The following CSMD1 variants were observed in gnomAD, a reference collection of about 807,000 sequenced individuals.
The protein encoded by CSMD1 is CUB and sushi domain-containing protein 1.
Under a neutral mutation model 417.5 loss-of-function variants are expected in CSMD1, and 213 were observed. The observed-to-expected ratio is 0.51, with a 90% CI of 0.46 to 0.57. The LOEUF is 0.57. Among genes scored for constraint, CSMD1 ranks in the 20% least tolerant of loss-of-function variants. The pLI is 0.00. For synonymous variants in CSMD1, 2,862 were observed against 1,736.8 expected (o/e 1.65, Z -16.11); for missense variants, 6,923 against 4,529.7 (o/e 1.53, Z -15.17).
chr8:4,654,221 G>A (rs1453517761), intron 1 of CSMD1, among the ~76,000 whole-genome samples: 3 of 152,000 alleles, frequency 2.0e-5, no homozygotes, highest in African/African-American at 7.3e-5. Context: ...ATCTCAATAT[G>A]TCTAAAATAT....
intron 2 of CSMD1, among the ~76,000 whole-genome samples, chr8:4,613,691 C>T (rs1015654973): frequency 2.6e-5 from 4 of 151,996 alleles, no homozygotes; most frequent in Non-Finnish European, 5.9e-5. Context: ...CATCAAATGG[C>T]AGTAGTAAAT....
intron 5 of CSMD1, among the ~76,000 whole-genome samples, chr8:3,978,329 C>G (rs1396087376): frequency 6.6e-6 from 1 of 152,176 alleles, no homozygotes; most frequent in Non-Finnish European, 1.5e-5. Context: ...ACATGGCTCT[C>G]TTTTTTCCTT....
chr8:4,164,644 C>T (rs560441884), intron 3 of CSMD1, among the ~76,000 whole-genome samples: 2 of 152,170 alleles, frequency 1.3e-5, no homozygotes, highest in South Asian at 4.1e-4. Flanking sequence ...GATTGAGTCC[C>T]TCACACAAGA....
chr8:3,079,834 T>C (rs982839330), intron 49 of CSMD1, among the ~76,000 whole-genome samples: 3 of 152,150 alleles, frequency 2.0e-5, no homozygotes, highest in African/African-American at 7.2e-5. Flanking sequence ...TAACATCATC[T>C]GTGAGCAACA....
At chr8:3,156,571 G>A (rs763816555) in intron 39 of CSMD1, among the ~76,000 whole-genome samples, 85 of 152,162 alleles carry the variant, frequency 5.6e-4, no homozygotes, top group Non-Finnish European at 1.1e-3. Flanking sequence ...GCAGGTGGGA[G>A]CTCAGAGAGC....
intron 5 of CSMD1, chr8:3,950,003 T>G (rs564242399): frequency 2.2e-6 from 1 of 455,700 alleles, no homozygotes; most frequent in African/African-American, 2.0e-5. Flanking sequence ...CCCACTACAT[T>G]TGCCAGGGTC....
In CSMD1 at chr8:4,850,587, T is replaced by C. The variant is rs186928188; in HGVS notation, c.85+143745A>G. ...CAGGACTTCAGCGAAGTAGAAATCC[T>C]TCATCCTCTCTTCCTCATCACTTAG... On this transcript the variant is annotated intron_variant, in intron 1 of 69. Transcript: ENST00000635120. Among the ~76,000 whole-genome samples the C allele has an allele frequency of 3.6e-3, 547 of 152,182 alleles. 1 individual carries two copies. Among genetic ancestry groups the C allele is most frequent in the Admixed American group, 7.5e-3 (114 of 15,274 alleles).
chr8:4,631,466 G>A (rs945464420), intron 2 of CSMD1, among the ~76,000 whole-genome samples: 1 of 151,272 alleles, frequency 6.6e-6, no homozygotes, highest in Non-Finnish European at 1.5e-5. Flanking sequence ...AGCAACTATG[G>A]AGACAGAAAA....
intron 3 of CSMD1, among the ~76,000 whole-genome samples, chr8:4,280,518 A>C (rs997894902): frequency 6.6e-6 from 1 of 152,206 alleles, no homozygotes; most frequent in African/African-American, 2.4e-5. Flanking sequence ...ATATACAAGC[A>C]AATTGTTTAC....
chr8:4,245,703 A>T (rs78360978), intron 3 of CSMD1, among the ~76,000 whole-genome samples: 1 of 152,142 alleles, frequency 6.6e-6, no homozygotes, highest in Non-Finnish European at 1.5e-5. Flanking sequence ...ATGTGAGGTA[A>T]TTTTTTCAAG....
intron 10 of CSMD1, among the ~76,000 whole-genome samples, chr8:3,535,769 C>G (rs1798169522): frequency 6.6e-6 from 1 of 152,168 alleles, no homozygotes; most frequent in Admixed American, 6.5e-5. Context: ...GCAGTTCACA[C>G]CTTCCCACAT....
At chr8:3,963,828 T>A (rs959679758) in intron 5 of CSMD1, among the ~76,000 whole-genome samples, 2 of 152,186 alleles carry the variant, frequency 1.3e-5, no homozygotes, top group African/African-American at 4.8e-5. Context: ...CAACATCAAA[T>A]GTAAATATAA....
At chr8:3,892,675 G>C (rs1036985280) in intron 5 of CSMD1, among the ~76,000 whole-genome samples, 1 of 150,588 alleles carries the variant, frequency 6.6e-6, no homozygotes, top group Non-Finnish European at 1.5e-5. Flanking sequence ...CTGGGTTCAA[G>C]GTGAATTAAG....
intron 1 of CSMD1, among the ~76,000 whole-genome samples, chr8:4,680,973 T>TGTGTGTGTGTGTG (rs1563130378): frequency 1.4e-5 from 2 of 138,622 alleles, no homozygotes; most frequent in South Asian, 4.7e-4. Context: ...TGTGTGTGTG[T>TGTGTGTGTGTGTG]GTGAGAGAGA....
At chr8:4,254,833 C>T (rs1463946268) in intron 3 of CSMD1, among the ~76,000 whole-genome samples, 2 of 152,148 alleles carry the variant, frequency 1.3e-5, no homozygotes, top group Non-Finnish European at 2.9e-5. Flanking sequence ...GTGCCACAGG[C>T]TGTACCATCT....
At chr8:4,206,159 G>T (rs1700076) in intron 3 of CSMD1, among the ~76,000 whole-genome samples, 152,117 of 152,270 alleles carry the variant, frequency 1, 75,982 homozygotes, top group Non-Finnish European at 1. Flanking sequence ...CTATTATTCA[G>T]AATATATGGA....
intron 3 of CSMD1, among the ~76,000 whole-genome samples, chr8:4,241,630 A>C (rs1802409541): frequency 6.6e-6 from 1 of 152,216 alleles, no homozygotes; most frequent in Admixed American, 6.5e-5. Context: ...GAGGAGAAAT[A>C]ATTCAATGAT....
intron 3 of CSMD1, among the ~76,000 whole-genome samples, chr8:4,065,452 T>C (rs1320643576): frequency 6.6e-6 from 1 of 152,246 alleles, no homozygotes; most frequent in East Asian, 1.9e-4. Context: ...ATAGGAAATT[T>C]GGCTTTTCTT....
intron 5 of CSMD1, among the ~76,000 whole-genome samples, chr8:3,852,388 G>C (rs114887478): frequency 3.0e-4 from 45 of 152,240 alleles, no homozygotes; most frequent in African/African-American, 1.1e-3. Flanking sequence ...CAGCCAAGTG[G>C]ATGAGCATGT....
Sources: allele counts gnomAD v4.1 joint callset (sites outside exome capture counted in the v4.1 genomes callset), GRCh38; gene constraint gnomAD v4.1.1; transcripts MANE v1.5; gene names NCBI Gene and HGNC (gene_info 2026-07-23, HGNC 2026-07-21).